Variants in POU2F2 observed in about 807,000 individuals in gnomAD.
POU2F2 encodes the protein POU class 2 homeobox 2, also known as POU domain, class 2, transcription factor 2.
POU2F2 carries 14 observed loss-of-function variants against 63.5 expected under a neutral mutation model. The observed-to-expected ratio is 0.22, with a 90% CI of 0.15 to 0.34. The LOEUF is 0.34. Among genes scored for constraint, POU2F2 ranks in the 10% least tolerant of loss-of-function variants. The probability of loss-of-function intolerance (pLI) is 1.00; values close to 1 mark genes in which losing one functional copy is unlikely to be tolerated. For missense variants in POU2F2, 607 were observed against 815.2 expected, an observed-to-expected ratio of 0.74 and a Z score of 3.11; for synonymous variants, 306 against 348.6, an observed-to-expected ratio of 0.88 and a Z score of 1.36.
In POU2F2 at chr19:42,162,605, G is replaced by A. The variant is rs2034573429; in HGVS notation, c.-69-2213C>T. Among the ~76,000 whole-genome samples the A allele has an allele frequency of 6.6e-6, 1 of 152,174 alleles. No individual in the cohort carries two copies. The highest frequency in any genetic ancestry group is 2.1e-4 in the South Asian group (1 of 4,822). On this transcript the variant is annotated intron_variant, in intron 1 of 6. Transcript: ENST00000524801. This position sits in a 1 kb window ranked among gnomAD's most constrained non-coding sequence, Gnocchi z 4.1. Reference sequence around the variant, plus strand: ...TCCAGTGTTCACAGAGGGAAAGCAAGCTCAGGGTTTGGTCCTGGCCCCTCA... The same window carrying A: ...TCCAGTGTTCACAGAGGGAAAGCAAACTCAGGGTTTGGTCCTGGCCCCTCA...
At chr19:42,115,448 G>C (rs764602164) in intron 5 of POU2F2, among the ~76,000 whole-genome samples, 1 of 152,230 alleles carries the variant, frequency 6.6e-6, no homozygotes, top group Non-Finnish European at 1.5e-5. Flanking sequence ...TTGTGGAGCA[G>C]TCACTGAGGG....
At chr19:42,195,287 G>A (rs1200198628) in intron 1 of POU2F2, among the ~76,000 whole-genome samples, 1 of 148,686 alleles carries the variant, frequency 6.7e-6, no homozygotes, top group Non-Finnish European at 1.5e-5. Context: ...AAGGAGGGAG[G>A]TTTCCTCCTT....
upstream of POU2F2, among the ~76,000 whole-genome samples, chr19:42,197,185 C>G (rs2035160253): frequency 1.3e-5 from 2 of 152,190 alleles, no homozygotes; most frequent in Admixed American, 6.5e-5. Flanking sequence ...CACCTCATTC[C>G]CCACCTAACT....
At chr19:42,106,343 T>C (rs1231560512) in intron 5 of POU2F2, among the ~76,000 whole-genome samples, 1 of 152,142 alleles carries the variant, frequency 6.6e-6, no homozygotes, top group Non-Finnish European at 1.5e-5. Context: ...ACTCCCGACC[T>C]CAGATGATCC....
rs555180320 is a variant in POU2F2 at position 42,165,654 on chromosome 19, CCT to C, written c.-69-5264_-69-5263del. Among the ~76,000 whole-genome samples, 425 of 152,328 alleles carry C rather than the reference CCT, an allele frequency of 2.8e-3. 3 individuals carry two copies. The highest frequency in any genetic ancestry group is 5.1e-3 in the Non-Finnish European group (348 of 68,026). Reference sequence around the variant, plus strand: ...GTGTGGCCCTGGGCAAGTCACTTCACCTCTCTGAGCCTCAGTTTGCTCAAACA... The same window carrying C: ...GTGTGGCCCTGGGCAAGTCACTTCACCTCTGAGCCTCAGTTTGCTCAAACA... On this transcript the variant is annotated intron_variant, in intron 1 of 6. Transcript: ENST00000524801.
intron 5 of POU2F2, chr19:42,116,872 G>A: frequency 2.3e-6 from 1 of 444,280 alleles, no homozygotes; most frequent in South Asian, 1.6e-5. Flanking sequence ...AGAGGAGGAG[G>A]CGGAGGCGGC....
chr19:42,150,648 C>G lies in POU2F2; in HGVS notation c.-9+9684G>C, dbSNP rs963001124. 1.1e-3 allele frequency among the ~76,000 whole-genome samples: 161 copies of G among 151,918 alleles called. 2 individuals carry two copies. Among genetic ancestry groups the G allele is most frequent in the Admixed American group, 2.6e-4 (4 of 15,272 alleles). Reference sequence around the variant, plus strand: ...CCGAGCCGCCCTCCCCCCTGCACCCCCCTCCCTGCCTCCTGCCCTTTCTCT... The same window carrying G: ...CCGAGCCGCCCTCCCCCCTGCACCCGCCTCCCTGCCTCCTGCCCTTTCTCT... On this transcript the variant is annotated intron_variant, in intron 2 of 6. Coordinates refer to the POU2F2 transcript ENST00000524801.
At chr19:42,111,435 AC>A (rs1339169522) in intron 5 of POU2F2, among the ~76,000 whole-genome samples, 1 of 152,048 alleles carries the variant, frequency 6.6e-6, no homozygotes, top group Admixed American at 6.6e-5. Flanking sequence ...CTTCCTGACA[AC>A]TAACAACTTC....
At chr19:42,139,582 A>G (rs2034087237) in intron 2 of POU2F2, among the ~76,000 whole-genome samples, 1 of 152,044 alleles carries the variant, frequency 6.6e-6, no homozygotes, top group African/African-American at 2.4e-5. Flanking sequence ...TGGGGCTACA[A>G]CCATGCGCCA....
chr19:42,186,329 C>T (rs2035013106), intron 1 of POU2F2, among the ~76,000 whole-genome samples: 1 of 151,924 alleles, frequency 6.6e-6, no homozygotes, highest in Admixed American at 6.6e-5. Flanking sequence ...AGCGAGACTC[C>T]ATCTCAAACA....
chr19:42,097,323 G>C (rs144256847), intron 7 of POU2F2, among the ~76,000 whole-genome samples: 2 of 149,870 alleles, frequency 1.3e-5, no homozygotes, highest in East Asian at 2.0e-4. Flanking sequence ...TCAGCCTCCC[G>C]AGTAGCTGGG....
intron 1 of POU2F2, among the ~76,000 whole-genome samples, chr19:42,188,649 G>A (rs1036741972): frequency 6.8e-6 from 1 of 146,304 alleles, no homozygotes; most frequent in African/African-American, 2.5e-5. Context: ...CCAGCCTGGG[G>A]GACGAGAGAG....
intron 5 of POU2F2, among the ~76,000 whole-genome samples, chr19:42,108,250 G>A (rs146978863): frequency 2.6e-5 from 4 of 152,306 alleles, no homozygotes; most frequent in Non-Finnish European, 4.4e-5. Flanking sequence ...AGGCACTTGG[G>A]CATGGTGATA....
chr19:42,122,452 A>G, intron 2 of POU2F2, 59 bp downstream of exon 2: 1 of 1,604,900 alleles, frequency 6.2e-7, no homozygotes, highest in Non-Finnish European at 8.5e-7. Flanking sequence ...CTCTCTTCCC[A>G]TCTGTCCCAC....
chr19:42,189,203 C>T (rs2035050328), intron 1 of POU2F2, among the ~76,000 whole-genome samples: 1 of 152,296 alleles, frequency 6.6e-6, no homozygotes, highest in Non-Finnish European at 1.5e-5. Context: ...TCGCCATCCT[C>T]TGTAATGGCT....
At chr19:42,154,338 A>G (rs2034417631) in intron 2 of POU2F2, among the ~76,000 whole-genome samples, 1 of 152,052 alleles carries the variant, frequency 6.6e-6, no homozygotes, top group Non-Finnish European at 1.5e-5. Flanking sequence ...AGAAGCAGAG[A>G]CAGAAGATGA....
intron 1 of POU2F2, among the ~76,000 whole-genome samples, chr19:42,183,626 ATAAT>A (rs2034985974): frequency 3.3e-5 from 5 of 152,204 alleles, no homozygotes. Flanking sequence ...AAATAAATAA[ATAAT>A]TACCAGCCAG....
chr19:42,100,098 T>C (rs1374005833), intron 5 of POU2F2, among the ~76,000 whole-genome samples: 4 of 126,334 alleles, frequency 3.2e-5, no homozygotes, highest in East Asian at 4.5e-4. Context: ...TTTTTTTTTT[T>C]TTTTTTTTTT....
Position 42,152,970 on chromosome 19 carries a change from G to A in POU2F2, c.-9+7362C>T, listed in dbSNP as rs926550100. On this transcript the variant is annotated intron_variant, in intron 2 of 6. Coordinates refer to the POU2F2 transcript ENST00000524801. The surrounding 1 kb of genome is among the most constrained non-coding windows in gnomAD (Gnocchi z 4.1). Reference sequence around the variant, plus strand: ...TGGGGTGGGTGCTGGAGTAGGCTACGGTGAATGGACACAAAGAACAGTGGG... The same window carrying A: ...TGGGGTGGGTGCTGGAGTAGGCTACAGTGAATGGACACAAAGAACAGTGGG... Among the ~76,000 whole-genome samples the A allele has an allele frequency of 6.6e-5, 10 of 152,224 alleles. No homozygotes were observed. The highest frequency in any genetic ancestry group is 1.9e-4 in the East Asian group (1 of 5,168).
Sources: gnomAD v4.1 joint callset for allele counts (sites outside exome capture counted in the v4.1 genomes callset) on GRCh38, gnomAD v4.1.1 for gene constraint, Gnocchi (gnomAD v3.1) non-coding constraint, MANE v1.5 for transcripts, NCBI Gene and HGNC (gene_info 2026-07-23, HGNC 2026-07-21) for gene names.